ATIC: variants seen among roughly 807,000 people sequenced by gnomAD.
ATIC encodes 5-aminoimidazole-4-carboxamide ribonucleotide formyltransferase/IMP cyclohydrolase.
In ATIC, 64 loss-of-function variants were observed where a neutral mutation model predicts 72.5. The observed-to-expected ratio is 0.88, with a 90% confidence interval of 0.72 to 1.09. The LOEUF is 1.09. Among genes scored for constraint, ATIC ranks in the 50% least tolerant of loss-of-function variants. The pLI, the probability that ATIC is intolerant of heterozygous loss-of-function variation, is 0.00. For synonymous variants in ATIC, 281 were observed against 267.1 expected (o/e 1.05, Z -0.51); for missense variants, 787 against 732.4 (o/e 1.07, Z -0.86).
chr2:215,312,070 G>A lies in ATIC; in HGVS notation c.-73G>A. 1 of 1,525,496 alleles carries A rather than the reference G, an allele frequency of 6.6e-7. No individual in the cohort carries two copies. 94.5% of individuals were successfully genotyped at this position (1,525,496 alleles called of 1,614,324 possible). ...TCGCTTCCTGAGCCGCCACATCCCG[G>A]CAGCCCTCCTACCTGCGCACGTGGT... On this transcript the variant is annotated 5_prime_UTR_variant, in exon 1 of 16. Transcript: ENST00000236959.
At chr2:215,359,111 C>T in the ATIC span, among the ~76,000 whole-genome samples, 2 of 152,020 alleles carry the variant, frequency 1.3e-5, no homozygotes, top group Non-Finnish European at 1.5e-5. Flanking sequence ...CTTGAACTCC[C>T]GAGCTCAAGC....
chr2:215,347,156 C>T, intron 14 of ATIC: 1 of 611,078 alleles, frequency 1.6e-6, no homozygotes, highest in East Asian at 3.1e-5. Context: ...TCTGAAACCA[C>T]AGTCCTCTGT....
At chr2:215,333,261 C>A in intron 8 of ATIC, 89 bp from the exon 9 acceptor site, 1 of 1,061,500 alleles carries the variant, frequency 9.4e-7, no homozygotes, top group Non-Finnish European at 1.5e-6. Flanking sequence ...GCTGCGTAGA[C>A]TGGGTGTTAA....
the ATIC span, chr2:215,365,405 G>T: frequency 7.7e-7 from 1 of 1,292,152 alleles, no homozygotes; most frequent in Non-Finnish European, 1.1e-6. Context: ...TCCTCAAGGA[G>T]ACCTAAAGTC....
At chr2:215,321,547 A>G (rs1326738076) in intron 4 of ATIC, among the ~76,000 whole-genome samples, 1 of 152,160 alleles carries the variant, frequency 6.6e-6, no homozygotes, top group East Asian at 1.9e-4. Flanking sequence ...CTTTTGAGGA[A>G]CTGCGACCCT....
At position 215,332,466 on chromosome 2, in the gene ATIC, G is replaced by T. The variant is rs763816500; in HGVS notation, c.773G>T (p.Gly258Val). The T allele has an allele frequency of 1.9e-6, 3 of 1,614,084 alleles. No individual in the cohort carries two copies. In the East Asian group the frequency reaches 6.7e-5, roughly 36 times the overall value. The change falls in exon 8 of 16, where the codon GGT becomes GTT. Residue 258 changes from glycine (G) to valine (V), a missense_variant. By Grantham distance (109) the Gly-to-Val change is moderately radical. Coordinates refer to ENST00000236959, the MANE Select transcript of ATIC (RefSeq NM_004044.7). The stretch of plus-strand genomic sequence containing the variant: ...GTGAAGGAACTCAAGGAGGCTTTAG[G>T]TATTCCAGCCGCTGCCTCTTTCAAA... ...QLVKELKEAL[G>V]IPAAASFKHV...
intron 2 of ATIC, among the ~76,000 whole-genome samples, chr2:215,314,429 G>A (rs1256004675): frequency 6.6e-6 from 1 of 152,048 alleles, no homozygotes; most frequent in African/African-American, 2.4e-5. Flanking sequence ...CATTTTATAG[G>A]TGAGGAAATT....
chr2:215,337,349 A>T (rs1224558103), intron 11 of ATIC, among the ~76,000 whole-genome samples: 1 of 152,208 alleles, frequency 6.6e-6, no homozygotes, highest in African/African-American at 2.4e-5. Context: ...TAAGGAAAGA[A>T]GAGAATACCA....
rs375383410 is a variant in ATIC at position 215,349,565 on chromosome 2, C to T, written c.1689C>T (p.Ser563=). 347 of 1,614,140 alleles carry T rather than the reference C, an allele frequency of 2.1e-4. No homozygotes were observed. The highest frequency in any genetic ancestry group is 2.7e-4 in the Non-Finnish European group (317 of 1,180,028). ...GTGTGGCGTACATTGCGGCTCCCTC[C>T]GGTTCTGCTGCTGACAAAGTTGTGA... The part of the protein sequence containing the change: ...RSGVAYIAAP[S]GSAADKVVIE... Residue 563 remains serine, a synonymous_variant, in exon 16 of 16, where the codon TCC becomes TCT. Coordinates refer to ENST00000236959, the MANE Select transcript of ATIC (RefSeq NM_004044.7).
chr2:215,338,966 C>T (rs906304010), intron 12 of ATIC, 59 bp downstream of exon 12: 1 of 1,599,762 alleles, frequency 6.3e-7, no homozygotes, highest in South Asian at 1.1e-5. Flanking sequence ...GTTTTCAATA[C>T]TTAATGAGCT....
chr2:215,352,130 A>C (rs1358853311), downstream of ATIC, among the ~76,000 whole-genome samples: 2 of 152,242 alleles, frequency 1.3e-5, no homozygotes, highest in Non-Finnish European at 1.5e-5. Context: ...GAACAAAAAA[A>C]GGACATTAGG....
At chr2:215,351,686 G>A (rs998673380), downstream of ATIC, among the ~76,000 whole-genome samples, 14 of 152,192 alleles carry the variant, frequency 9.2e-5, no homozygotes, top group African/African-American at 3.4e-4. Flanking sequence ...CAACTCCCAT[G>A]CAGAAGAATT....
At chr2:215,330,484 A>G (rs185967585) in intron 7 of ATIC, among the ~76,000 whole-genome samples, 1 of 152,306 alleles carries the variant, frequency 6.6e-6, no homozygotes, top group Admixed American at 6.5e-5. Context: ...ATTTGTTACA[A>G]CTGATGAACC....
chr2:215,361,503 A>AGAT, the ATIC span: 3 of 1,273,118 alleles, frequency 2.4e-6, no homozygotes, highest in Admixed American at 5.0e-5. Context: ...ACTCCAGTTT[A>AGAT]GATGGATCTT....
chr2:215,342,411 C>A (rs2053028861), intron 12 of ATIC, among the ~76,000 whole-genome samples: 1 of 152,038 alleles, frequency 6.6e-6, no homozygotes. Context: ...GTAAGAGTTC[C>A]CATGTAACCG....
chr2:215,312,729 G>C, intron 2 of ATIC, 105 bp downstream of exon 2: 4 of 1,524,492 alleles, frequency 2.6e-6, no homozygotes, highest in South Asian at 1.2e-5. Context: ...CCTCCCAGTA[G>C]CGCTGTGAGG....
intron 4 of ATIC, among the ~76,000 whole-genome samples, chr2:215,320,239 A>G (rs533541288): frequency 6.6e-6 from 1 of 152,316 alleles, no homozygotes; most frequent in African/African-American, 2.4e-5. Context: ...TAACAGCTTT[A>G]TTGAGATCTA....
At chr2:215,319,867 G>A in intron 4 of ATIC, 136 bp downstream of exon 4, 1 of 762,122 alleles carries the variant, frequency 1.3e-6, no homozygotes, top group South Asian at 1.6e-5. Flanking sequence ...ATGTGTGTAA[G>A]CATTTTGGTT....
Position 215,332,336 on chromosome 2 carries a change from C to CT in ATIC, c.689-44dup, listed in dbSNP as rs2106017982. 3 of 1,613,016 alleles carry CT rather than the reference C, an allele frequency of 1.9e-6. No individual in the cohort carries two copies. The East Asian group carries it at 6.7e-5, about 36-fold the overall frequency. On this transcript the variant is annotated intron_variant, in intron 7 of 15. Transcript: ENST00000236959. ...TTTGAGAAGTGTGCATACATCTGACCTTACTGATCCTGCTTAGTAATGTGC... is the reference window on the plus strand; with the variant it reads ...TTTGAGAAGTGTGCATACATCTGACCTTTACTGATCCTGCTTAGTAATGTGC...
Sources: allele counts gnomAD v4.1 joint callset (sites outside exome capture counted in the v4.1 genomes callset), GRCh38; gene constraint gnomAD v4.1.1; transcripts MANE v1.5; gene names NCBI Gene and HGNC (gene_info 2026-07-23, HGNC 2026-07-21).